Variants in TOX observed in about 807,000 individuals in gnomAD.
The protein encoded by TOX is thymocyte selection associated high mobility group box, also known as thymocyte selection-associated high mobility group box protein TOX.
In TOX, 11 loss-of-function variants were observed where a neutral mutation model predicts 53.7. That is an observed-to-expected ratio of 0.20 (90% CI 0.13 to 0.34). The LOEUF (loss-of-function observed/expected upper bound fraction) is 0.34, where lower values mean the gene tolerates loss of function less well. TOX is among the 10% of genes least tolerant of loss of function. The probability of loss-of-function intolerance (pLI) is 1.00; values close to 1 mark genes in which losing one functional copy is unlikely to be tolerated. For synonymous variants in TOX, 225 were observed against 245.3 expected, an observed-to-expected ratio of 0.92 and a Z score of 0.77; for missense variants, 570 against 664.6, an observed-to-expected ratio of 0.86 and a Z score of 1.56.
chr8:59,021,481 A>AAATATATATATATAT (rs59174995), intron 1 of TOX, among the ~76,000 whole-genome samples: 1 of 64,738 alleles, frequency 1.5e-5, no homozygotes, highest in African/African-American at 5.3e-5. Flanking sequence ...AAAAAAAAAA[A>AAATATATATATATAT]ATATATATAT....
intron 1 of TOX, among the ~76,000 whole-genome samples, chr8:59,074,029 C>A (rs375092226): frequency 2.6e-5 from 4 of 152,170 alleles, no homozygotes; most frequent in African/African-American, 9.7e-5. Flanking sequence ...CAATCTTCCA[C>A]TTCAAACCAT....
At chr8:59,036,103 C>G (rs565536432) in intron 1 of TOX, among the ~76,000 whole-genome samples, 1 of 152,166 alleles carries the variant, frequency 6.6e-6, no homozygotes, top group East Asian at 1.9e-4. Context: ...AGAGTATTCT[C>G]GAAGCTCAGG....
At chr8:58,998,182 G>T (rs1813597155) in intron 1 of TOX, among the ~76,000 whole-genome samples, 1 of 151,738 alleles carries the variant, frequency 6.6e-6, no homozygotes, top group Admixed American at 6.6e-5. Flanking sequence ...AAGAAGATTA[G>T]CCTTAATTCA....
At chr8:59,020,226 C>A (rs1814096847) in intron 1 of TOX, among the ~76,000 whole-genome samples, 1 of 152,168 alleles carries the variant, frequency 6.6e-6, no homozygotes, top group Admixed American at 6.5e-5. Flanking sequence ...GGACAGAGTT[C>A]TTGTTTTTAA....
intron 1 of TOX, among the ~76,000 whole-genome samples, chr8:59,002,545 C>T (rs548792804): frequency 6.6e-6 from 1 of 150,758 alleles, no homozygotes; most frequent in Non-Finnish European, 1.5e-5. Flanking sequence ...TGAGCGAGAT[C>T]GCGCCACTGC....
At chr8:59,114,289 T>C (rs1468057910) in intron 1 of TOX, among the ~76,000 whole-genome samples, 4 of 152,220 alleles carry the variant, frequency 2.6e-5, no homozygotes, top group Admixed American at 6.5e-5. Context: ...CTAAACTACC[T>C]ATGCAATGTT....
At chr8:59,088,088 T>C (rs1450795629) in intron 1 of TOX, among the ~76,000 whole-genome samples, 1 of 152,160 alleles carries the variant, frequency 6.6e-6, no homozygotes, top group African/African-American at 2.4e-5. Flanking sequence ...AAAAACACAT[T>C]TTTGGCAGCG....
chr8:59,037,801 CAAAAAAA>C (rs769397049), intron 1 of TOX, among the ~76,000 whole-genome samples: 8,922 of 98,066 alleles, frequency 0.091, 380 homozygotes, highest in Middle Eastern at 0.16. Flanking sequence ...GACTCCATCT[CAAAAAAA>C]AAAAAAAAAA....
chr8:59,019,874 A>T (rs554429212), intron 1 of TOX, among the ~76,000 whole-genome samples: 2 of 152,302 alleles, frequency 1.3e-5, no homozygotes, highest in African/African-American at 2.4e-5. Context: ...TTAGAAGTTG[A>T]TTTGCTTTGC....
intron 1 of TOX, among the ~76,000 whole-genome samples, chr8:59,053,580 T>C (rs1803832903): frequency 6.6e-6 from 1 of 152,256 alleles, no homozygotes; most frequent in Non-Finnish European, 1.5e-5. Flanking sequence ...GACATTTTTA[T>C]ACCATTTTTC....
intron 2 of TOX, among the ~76,000 whole-genome samples, chr8:58,952,819 A>C (rs1056254233): frequency 1.3e-5 from 2 of 152,186 alleles, no homozygotes; most frequent in African/African-American, 4.8e-5. Flanking sequence ...TAAAAAATGA[A>C]CCTTATATTC....
At chr8:58,880,365 T>C (rs1811362712) in intron 3 of TOX, among the ~76,000 whole-genome samples, 2 of 152,208 alleles carry the variant, frequency 1.3e-5, no homozygotes, top group Non-Finnish European at 2.9e-5. Context: ...TTCAGAGCTG[T>C]GAGAGTTAAA....
rs190196688 is a variant in TOX, at chr8:59,118,577, C to T, written c.102+309G>A. On this transcript the variant is annotated intron_variant, in intron 1 of 8. Coordinates refer to ENST00000361421, the MANE Select transcript of TOX (RefSeq NM_014729.3). This position sits in a 1 kb window ranked among gnomAD's most constrained non-coding sequence, Gnocchi z 4.1. ...CCAGACACACCCCCAAAGTATTCCA[C>T]GGTTTTCTCTTATTATTTTTTTAAA... is the stretch of plus-strand genomic sequence containing the variant. Among the ~76,000 whole-genome samples, 2 of 152,192 alleles carry T rather than the reference C, an allele frequency of 1.3e-5. No individual in the cohort carries two copies. Among genetic ancestry groups the T allele is most frequent in the African/African-American group, 4.8e-5 (2 of 41,440 alleles).
chr8:59,015,043 C>A (rs183992359), intron 1 of TOX, among the ~76,000 whole-genome samples: 1 of 152,160 alleles, frequency 6.6e-6, no homozygotes, highest in African/African-American at 2.4e-5. Context: ...ATTTTATTAA[C>A]CTGTACATCT....
intron 1 of TOX, among the ~76,000 whole-genome samples, chr8:59,059,279 C>A (rs1051265090): frequency 6.6e-6 from 1 of 152,100 alleles, no homozygotes; most frequent in African/African-American, 2.4e-5. Flanking sequence ...AATTTAATTC[C>A]TTTCTAAGAG....
chr8:58,886,695 T>C (rs533860823), intron 3 of TOX, among the ~76,000 whole-genome samples: 1 of 152,134 alleles, frequency 6.6e-6, no homozygotes, highest in South Asian at 2.1e-4. Context: ...AATTACCCTA[T>C]TGTTTGCAGG....
At chr8:58,962,395 G>T (rs1037387868) in intron 1 of TOX, among the ~76,000 whole-genome samples, 5 of 152,080 alleles carry the variant, frequency 3.3e-5, no homozygotes, top group African/African-American at 1.2e-4. Flanking sequence ...ACAAAACCAA[G>T]AGTTAGGTAT....
chr8:58,960,081 TG>T, intron 1 of TOX, 73 bp from the exon 2 acceptor site: 1 of 1,548,776 alleles, frequency 6.5e-7, no homozygotes, highest in South Asian at 1.1e-5. Flanking sequence ...TGTTTTGTTT[TG>T]TTTTTTAACC....
intron 1 of TOX, among the ~76,000 whole-genome samples, chr8:59,087,190 C>T (rs992983417): frequency 6.6e-6 from 1 of 152,174 alleles, no homozygotes; most frequent in East Asian, 1.9e-4. Context: ...CATCAACAGT[C>T]GAGCACATAT....
Sources: allele counts gnomAD v4.1 joint callset (sites outside exome capture counted in the v4.1 genomes callset), GRCh38; gene constraint gnomAD v4.1.1; non-coding constraint Gnocchi (gnomAD v3.1); transcripts MANE v1.5; gene names NCBI Gene and HGNC (gene_info 2026-07-23, HGNC 2026-07-21).